Variants in BCAS3 observed in about 807,000 individuals in gnomAD.
BCAS3 encodes BCAS3 microtubule associated cell migration factor.
BCAS3 carries 53 observed loss-of-function variants against 116.1 expected under a neutral mutation model. The observed-to-expected ratio is 0.46, with a 90% CI of 0.37 to 0.57. The LOEUF is 0.57. Ranked by LOEUF, BCAS3 falls within the 20% of genes least tolerant of loss-of-function variation. The probability of loss-of-function intolerance (pLI) is 0.00; values close to 1 mark genes in which losing one functional copy is unlikely to be tolerated. For missense variants in BCAS3, 917 were observed against 1,165.4 expected, an observed-to-expected ratio of 0.79 and a Z score of 3.10; for synonymous variants, 391 against 408.2, an observed-to-expected ratio of 0.96 and a Z score of 0.51.
intron 16 of BCAS3, 32 bp downstream of exon 16, chr17:61,015,933 G>T: frequency 1.3e-6 from 2 of 1,595,936 alleles, no homozygotes; most frequent in African/African-American, 1.3e-5. Context: ...TTTTTTAACA[G>T]CTGTTTTATA....
Position 61,278,849 on chromosome 17 carries a change from G to A in BCAS3, c.2426-89478G>A, listed in dbSNP as rs1404790704. ...GGGGAGATTGGGAGGTAGTGGCTAA[G>A]TGGTACAGGGTTTCTTTTCAGAACA... On this transcript the variant is annotated intron_variant, in intron 22 of 23. Transcript: ENST00000407086. This position sits in a 1 kb window ranked among gnomAD's most constrained non-coding sequence, Gnocchi z 5.8. Among the ~76,000 whole-genome samples, 4 of 152,116 alleles carry A rather than the reference G, an allele frequency of 2.6e-5. No homozygotes were observed. The highest frequency in any genetic ancestry group is 1.3e-4 in the Admixed American group (2 of 15,268).
chr17:60,962,469 C>T lies in BCAS3; in HGVS notation c.1221+15117C>T, dbSNP rs184990817. Reference sequence around the variant, plus strand: ...CATTTTTTTTCATATACCTATTGGCCATTTGCATGTCTTCTTTTGAGAAAT... The same window carrying T: ...CATTTTTTTTCATATACCTATTGGCTATTTGCATGTCTTCTTTTGAGAAAT... On this transcript the variant is annotated intron_variant, in intron 14 of 23. Transcript: ENST00000407086. This position sits in a 1 kb window ranked among gnomAD's most constrained non-coding sequence, Gnocchi z 4.4. Among the ~76,000 whole-genome samples, 27 of 151,966 alleles carry T rather than the reference C, an allele frequency of 1.8e-4. No homozygotes were observed. Among genetic ancestry groups the T allele is most frequent in the Non-Finnish European group, 2.8e-4 (19 of 67,984 alleles).
At chr17:60,758,801 T>C (rs1447773365) in intron 6 of BCAS3, among the ~76,000 whole-genome samples, 1 of 152,186 alleles carries the variant, frequency 6.6e-6, no homozygotes, top group African/African-American at 2.4e-5. Context: ...TCCCATATGG[T>C]TTTGGTATGA....
intron 6 of BCAS3, among the ~76,000 whole-genome samples, chr17:60,804,576 C>G (rs959133127): frequency 6.6e-6 from 1 of 152,170 alleles, no homozygotes; most frequent in African/African-American, 2.4e-5. Flanking sequence ...TATCTTCTAT[C>G]TCATTCCATG....
At chr17:61,359,244 G>C (rs2058322124) in intron 22 of BCAS3, among the ~76,000 whole-genome samples, 1 of 152,142 alleles carries the variant, frequency 6.6e-6, no homozygotes, top group Admixed American at 6.5e-5. Context: ...CAGAGCCCTG[G>C]GGTAATCCTC....
intron 5 of BCAS3, among the ~76,000 whole-genome samples, chr17:60,734,599 T>C (rs766487599): frequency 2.6e-5 from 4 of 152,228 alleles, no homozygotes; most frequent in Non-Finnish European, 5.9e-5. Flanking sequence ...CTTGGCTCCA[T>C]TGTATTATCT....
At chr17:60,753,008 C>A (rs1289737400) in intron 6 of BCAS3, among the ~76,000 whole-genome samples, 1 of 110,574 alleles carries the variant, frequency 9.0e-6, no homozygotes, top group African/African-American at 2.5e-5. Flanking sequence ...GCATGCCTGG[C>A]TAATTTTTAA....
At chr17:61,238,227 G>T (rs1277301564) in intron 22 of BCAS3, among the ~76,000 whole-genome samples, 2 of 141,218 alleles carry the variant, frequency 1.4e-5, no homozygotes, top group Non-Finnish European at 3.0e-5. Flanking sequence ...AGTTTTTCGG[G>T]TTTTTTTTTT....
chr17:61,296,936 G>A (rs994854996), intron 22 of BCAS3, among the ~76,000 whole-genome samples: 2 of 152,214 alleles, frequency 1.3e-5, no homozygotes. Flanking sequence ...GAGTCTGAAG[G>A]CTTTGGGGAG....
At position 61,098,941 on chromosome 17, in the gene BCAS3, G is replaced by A. The variant is rs371779728; in HGVS notation, c.2425+14377G>A. Among the ~76,000 whole-genome samples, 5 of 151,972 alleles carry A rather than the reference G, an allele frequency of 3.3e-5. No homozygotes were observed. Among genetic ancestry groups the A allele is most frequent in the East Asian group, 1.9e-4 (1 of 5,176 alleles). On this transcript the variant is annotated intron_variant, in intron 22 of 23. Transcript: ENST00000407086. The surrounding 1 kb of genome is among the most constrained non-coding windows in gnomAD (Gnocchi z 4.2). ...AGATCGAGATCATCCTGGCTAACAC[G>A]GTGAAACCCCATCTCTACTAAAAAT...
rs191998976 is a variant in BCAS3 at position 61,123,831 on chromosome 17, A to G, written c.2425+39267A>G. 4.6e-4 allele frequency among the ~76,000 whole-genome samples: 70 copies of G among 152,298 alleles called. 1 individual carries two copies. Among genetic ancestry groups the G allele is most frequent in the African/African-American group, 1.5e-3 (61 of 41,568 alleles). ...CATTGGCATATATGCTGACATATTT[A>G]GTTTTATTTCATTCTCTGTGACACC... On this transcript the variant is annotated intron_variant, in intron 22 of 23. Transcript: ENST00000407086.
intron 22 of BCAS3, among the ~76,000 whole-genome samples, chr17:61,329,987 G>A (rs1163464921): frequency 3.3e-5 from 5 of 152,232 alleles, no homozygotes; most frequent in East Asian, 1.9e-4. Flanking sequence ...AGAAGACACC[G>A]TCCCTGCCCT....
chr17:60,947,711 G>GTGTGTACATAAATATGTATA (rs1398362898), intron 14 of BCAS3, among the ~76,000 whole-genome samples: 2 of 152,060 alleles, frequency 1.3e-5, no homozygotes, highest in Admixed American at 6.6e-5. Context: ...AAATATGTAT[G>GTGTGTACATAAATATGTATA]TGCATACATA....
intron 22 of BCAS3, among the ~76,000 whole-genome samples, chr17:61,350,310 G>A (rs922192331): frequency 2.0e-5 from 3 of 151,868 alleles, no homozygotes; most frequent in Non-Finnish European, 2.9e-5. Context: ...AGCTACTCAG[G>A]AGGCTAAGGC....
At chr17:60,927,235 T>TC (rs1422638991) in intron 13 of BCAS3, among the ~76,000 whole-genome samples, 16 of 151,762 alleles carry the variant, frequency 1.1e-4, no homozygotes, top group Admixed American at 2.0e-4. Flanking sequence ...ATTTTTTTCT[T>TC]TCTTTCTTTC....
chr17:60,704,084 A>G (rs1043298920), intron 4 of BCAS3, among the ~76,000 whole-genome samples: 4 of 152,192 alleles, frequency 2.6e-5, no homozygotes, highest in African/African-American at 9.6e-5. Context: ...AATTGTAGAA[A>G]GAAGTTTGGT....
Position 61,188,198 on chromosome 17 carries a change from G to A in BCAS3, c.2425+103634G>A, listed in dbSNP as rs562301463. On this transcript the variant is annotated intron_variant, in intron 22 of 23. Transcript: ENST00000407086. The surrounding 1 kb of genome is among the most constrained non-coding windows in gnomAD (Gnocchi z 4.0). Reference sequence around the variant, plus strand: ...TCCTTGCTATTCTCGCTATTGAACAGTCTCCAACTCTTAAACTAGCAAGTT... The same window carrying A: ...TCCTTGCTATTCTCGCTATTGAACAATCTCCAACTCTTAAACTAGCAAGTT... 6.6e-6 allele frequency among the ~76,000 whole-genome samples: 1 copy of A among 152,152 alleles called. No homozygotes were observed. The highest frequency in any genetic ancestry group is 6.6e-5 in the Admixed American group (1 of 15,266).
rs576133021 is a variant in BCAS3, at chr17:60,963,714, C to A, written c.1221+16362C>A. Among the ~76,000 whole-genome samples, 331 of 152,148 alleles carry A rather than the reference C, an allele frequency of 2.2e-3. 5 individuals are homozygous for A. The highest frequency in any genetic ancestry group is 1.6e-4 in the Non-Finnish European group (11 of 67,992). ...GGGACCACAGGCGCCTGCCACCATGCCCAGCTAATTTTTTGTATTTTTAGT... is the reference window on the plus strand; with the variant it reads ...GGGACCACAGGCGCCTGCCACCATGACCAGCTAATTTTTTGTATTTTTAGT... On this transcript the variant is annotated intron_variant, in intron 14 of 23. Transcript: ENST00000407086.
intron 19 of BCAS3, among the ~76,000 whole-genome samples, chr17:61,052,947 C>T (rs2069016483): frequency 6.6e-6 from 1 of 151,784 alleles, no homozygotes; most frequent in African/African-American, 2.4e-5. Flanking sequence ...TGAATTCTGA[C>T]CTCAAGCGAT....
Sources: gnomAD v4.1 joint callset for allele counts (sites outside exome capture counted in the v4.1 genomes callset) on GRCh38, gnomAD v4.1.1 for gene constraint, Gnocchi (gnomAD v3.1) non-coding constraint, MANE v1.5 for transcripts, NCBI Gene and HGNC (gene_info 2026-07-23, HGNC 2026-07-21) for gene names.